Variants in KLRG1 observed in about 807,000 individuals in gnomAD.
The protein encoded by KLRG1 is killer cell lectin-like receptor subfamily G member 1.
Under a neutral mutation model 21.8 loss-of-function variants are expected in KLRG1, and 16 were observed. The observed-to-expected ratio is 0.73, with a 90% CI of 0.50 to 1.11. The LOEUF is 1.11. Ranked by LOEUF, KLRG1 falls within the 50% of genes most tolerant of loss-of-function variation. The pLI is 0.00. For missense variants in KLRG1, 173 were observed against 218.3 expected, an observed-to-expected ratio of 0.79 and a Z score of 1.31; for synonymous variants, 69 against 75.9, an observed-to-expected ratio of 0.91 and a Z score of 0.47.
At chr12:9,002,297 T>G (rs1178625204) in intron 3 of KLRG1, among the ~76,000 whole-genome samples, 1 of 152,168 alleles carries the variant, frequency 6.6e-6, no homozygotes, top group Non-Finnish European at 1.5e-5. Context: ...CTTTGTGCCT[T>G]AATGATATTT....
In KLRG1 at chr12:8,990,018, T is replaced by A. The variant is rs1946920790; in HGVS notation, c.82+301T>A. 2.0e-5 allele frequency among the ~76,000 whole-genome samples: 3 copies of A among 152,292 alleles called. No homozygotes were observed. The South Asian group carries it at 6.2e-4, about 32-fold the overall frequency. On this transcript the variant is annotated intron_variant, in intron 1 of 4. Transcript: ENST00000356986. ...GCTCTTAGCTAAAGCGGGAACTTTG[T>A]TGGGAGAATTTTATCTCTTTAGTTA...
chr12:9,048,229 T>C, the KLRG1 span, among the ~76,000 whole-genome samples: 1 of 152,246 alleles, frequency 6.6e-6, no homozygotes, highest in Non-Finnish European at 1.5e-5. Context: ...GCTAGAAAAT[T>C]CCAGAATATG....
chr12:9,212,560 A>G, the KLRG1 span, among the ~76,000 whole-genome samples: 4 of 152,206 alleles, frequency 2.6e-5, no homozygotes, highest in Non-Finnish European at 4.4e-5. Flanking sequence ...AAAAAACATA[A>G]CTGTCTATGC....
the KLRG1 span, chr12:9,065,033 G>A: frequency 6.6e-6 from 1 of 152,314 alleles, no homozygotes; most frequent in Non-Finnish European, 1.5e-5. Flanking sequence ...CGTGAGCCGG[G>A]CGAGGGAGAG....
the KLRG1 span, among the ~76,000 whole-genome samples, chr12:9,081,059 T>C: frequency 6.6e-6 from 1 of 152,220 alleles, no homozygotes; most frequent in East Asian, 1.9e-4. Flanking sequence ...GTTAAAACTT[T>C]TGTAAAAAAA....
the KLRG1 span, among the ~76,000 whole-genome samples, chr12:9,047,344 G>A: frequency 6.6e-6 from 1 of 152,164 alleles, no homozygotes; most frequent in Admixed American, 6.5e-5. Context: ...TCAGTGTAGT[G>A]TTATTTGAAA....
Position 9,009,142 on chromosome 12 carries a change from G to C in KLRG1, c.458+67G>C. On this transcript the variant is annotated intron_variant, in intron 4 of 4. Transcript: ENST00000356986. ...AAAGGAAAGCCAAATTATGATACTT[G>C]GGGAATAGATAAAGAAGAGCAGATG... 2.5e-6 allele frequency: 3 copies of C among 1,222,548 alleles called. No individual in the cohort carries two copies. The South Asian group carries it at 4.0e-5, about 16-fold the overall frequency. The allele number at this position is 1,222,548 out of a possible 1,614,324, so 75.7% of individuals were successfully genotyped here.
chr12:9,202,677 CT>C, the KLRG1 span: 1 of 1,613,076 alleles, frequency 6.2e-7, no homozygotes. Context: ...GGCTGAGATC[CT>C]TGGGAGCTAA....
chr12:9,030,845 A>T, the KLRG1 span, among the ~76,000 whole-genome samples: 1 of 152,204 alleles, frequency 6.6e-6, no homozygotes, highest in African/African-American at 2.4e-5. Flanking sequence ...GAGAGGACAT[A>T]ATTTTAAGAA....
At chr12:9,118,765 A>C in the KLRG1 span, among the ~76,000 whole-genome samples, 1 of 152,224 alleles carries the variant, frequency 6.6e-6, no homozygotes, top group Non-Finnish European at 1.5e-5. Flanking sequence ...CATGTACAAA[A>C]TCCCTTATTT....
chr12:9,068,827 G>T, the KLRG1 span: 1 of 1,599,408 alleles, frequency 6.3e-7, no homozygotes, highest in African/African-American at 1.3e-5. Context: ...AACAAGCTCA[G>T]TGTCTGATTT....
the KLRG1 span, chr12:9,167,150 A>T: frequency 6.6e-5 from 10 of 152,024 alleles, no homozygotes; most frequent in African/African-American, 2.4e-4. Flanking sequence ...CTCTGTCTTC[A>T]CTCTTATCTT....
chr12:9,160,889 T>C, the KLRG1 span: 1 of 729,700 alleles, frequency 1.4e-6, no homozygotes, highest in South Asian at 1.6e-5. Context: ...TACTCCAGCC[T>C]GGGCGACAGA....
At chr12:9,114,698 TG>T in the KLRG1 span, among the ~76,000 whole-genome samples, 1 of 149,436 alleles carries the variant, frequency 6.7e-6, no homozygotes, top group South Asian at 2.1e-4. Flanking sequence ...TGTATACTTA[TG>T]TTCACATATA....
At chr12:9,091,380 C>T in the KLRG1 span, 5 of 1,614,138 alleles carry the variant, frequency 3.1e-6, no homozygotes, top group Admixed American at 1.7e-5. Context: ...GCCTTCCACT[C>T]GGTGATGGTG....
the KLRG1 span, chr12:9,159,892 C>T: frequency 1.4e-5 from 21 of 1,488,406 alleles, no homozygotes; most frequent in Middle Eastern, 3.5e-4. Flanking sequence ...TCTATGTGCA[C>T]GTTCTGAACT....
chr12:9,063,994 C>T, the KLRG1 span, among the ~76,000 whole-genome samples: 1 of 152,104 alleles, frequency 6.6e-6, no homozygotes, highest in African/African-American at 2.4e-5. Context: ...AATTATAATC[C>T]TGTTGTCTTG....
chr12:9,113,356 T>G, the KLRG1 span: 1 of 1,612,894 alleles, frequency 6.2e-7, no homozygotes, highest in Admixed American at 1.7e-5. Context: ...ACAGCCACAC[T>G]CACAGCGAAG....
At chr12:9,016,644 G>T in the KLRG1 span, among the ~76,000 whole-genome samples, 1 of 152,116 alleles carries the variant, frequency 6.6e-6, no homozygotes, top group African/African-American at 2.4e-5. Flanking sequence ...ACAGTGTCTT[G>T]CTTTGTTGCC....
Sources: gnomAD v4.1 joint callset for allele counts (sites outside exome capture counted in the v4.1 genomes callset) on GRCh38, gnomAD v4.1.1 for gene constraint, MANE v1.5 for transcripts, NCBI Gene and HGNC (gene_info 2026-07-23, HGNC 2026-07-21) for gene names.